Variants in ATP10A observed in about 807,000 individuals in gnomAD.
ATP10A encodes ATPase phospholipid transporting 10A (putative).
In ATP10A, 111 loss-of-function variants were observed where a neutral mutation model predicts 147.8. The ratio of observed to expected loss-of-function variants is 0.75; its 90% CI spans 0.64 to 0.88. ATP10A has a LOEUF of 0.88. Among genes scored for constraint, ATP10A ranks in the 40% least tolerant of loss-of-function variants. The pLI is 0.00. For synonymous variants in ATP10A, 875 were observed against 841.6 expected, an observed-to-expected ratio of 1.04 and a Z score of -0.69; for missense variants, 1,927 against 1,959.0, an observed-to-expected ratio of 0.98 and a Z score of 0.31.
intron 2 of ATP10A, among the ~76,000 whole-genome samples, chr15:25,763,098 G>A (rs1888846946): frequency 6.6e-6 from 1 of 152,032 alleles, no homozygotes; most frequent in Non-Finnish European, 1.5e-5. Flanking sequence ...ACTGTCATCT[G>A]ACTTATCCAA....
chr15:25,736,652 TA>T (rs1351450100), intron 2 of ATP10A, among the ~76,000 whole-genome samples: 4 of 151,468 alleles, frequency 2.6e-5, no homozygotes, highest in South Asian at 2.1e-4. Context: ...TCTGCTCAAT[TA>T]AAAAAAAACC....
intron 2 of ATP10A, among the ~76,000 whole-genome samples, chr15:25,752,186 G>A (rs562069710): frequency 1.3e-5 from 2 of 152,232 alleles, no homozygotes; most frequent in East Asian, 3.9e-4. Flanking sequence ...TTTGAAATCA[G>A]TTTGCCAAAG....
rs74472198 is a variant in ATP10A, at chr15:25,749,862, C to G, written c.655-13721G>C. ...AAAATAAACTGAAAGAGATCAACAG[C>G]TGCTTAGAACTTACAAAAGAAAAAT... is the stretch of plus-strand genomic sequence containing the variant. On this transcript the variant is annotated intron_variant, in intron 2 of 20. Transcript: ENST00000555815. Among the ~76,000 whole-genome samples the G allele has an allele frequency of 6.5e-4, 99 of 152,194 alleles. 1 individual carries two copies. In the East Asian group the frequency reaches 0.019, roughly 29 times the overall value.
chr15:25,733,846 T>A (rs1887105258), intron 3 of ATP10A, among the ~76,000 whole-genome samples: 1 of 152,218 alleles, frequency 6.6e-6, no homozygotes, highest in Non-Finnish European at 1.5e-5. Context: ...GAGCTGCTCT[T>A]CTCATGTCCC....
At chr15:25,768,008 G>C (rs935153983) in intron 2 of ATP10A, among the ~76,000 whole-genome samples, 4 of 152,212 alleles carry the variant, frequency 2.6e-5, no homozygotes, top group Admixed American at 6.5e-5. Context: ...GGCGCACCAG[G>C]GCTGGCTCCC....
At chr15:25,778,969 C>T (rs528028807) in intron 2 of ATP10A, among the ~76,000 whole-genome samples, 7 of 151,552 alleles carry the variant, frequency 4.6e-5, no homozygotes, top group African/African-American at 1.5e-4. Flanking sequence ...CTCTGCCTCC[C>T]GGGTTCAAGC....
At chr15:25,825,787 C>T (rs28887480) in intron 1 of ATP10A, among the ~76,000 whole-genome samples, 5,016 of 151,952 alleles carry the variant, frequency 0.033, 197 homozygotes, top group African/African-American at 0.096. Flanking sequence ...CCATTTTCAA[C>T]AACAAAAAAA....
intron 2 of ATP10A, among the ~76,000 whole-genome samples, chr15:25,745,128 C>A (rs1887778006): frequency 6.6e-6 from 1 of 152,012 alleles, no homozygotes; most frequent in African/African-American, 2.4e-5. Context: ...TCTTGAAAGA[C>A]CAGCCTGGCC....
chr15:25,725,338 G>C (rs1038878487), intron 5 of ATP10A, among the ~76,000 whole-genome samples: 1 of 152,222 alleles, frequency 6.6e-6, no homozygotes, highest in African/African-American at 2.4e-5. Context: ...CTGATTTAAA[G>C]TATAGAGGAG....
intron 9 of ATP10A, 103 bp downstream of exon 9, chr15:25,716,627 C>T: frequency 1.7e-6 from 2 of 1,189,698 alleles, no homozygotes; most frequent in South Asian, 3.2e-5. Flanking sequence ...GCCAAGAGCG[C>T]TTGCTGCAGG....
rs754161865 is a variant in ATP10A, at chr15:25,701,975, A to C, written c.2701T>G (p.Tyr901Asp). The change falls in exon 13 of 21, where the codon TAT (tyrosine) becomes GAT (aspartate). Residue 901 changes from tyrosine to aspartate, a missense_variant. Coordinates refer to ENST00000555815, the MANE Select transcript of ATP10A (RefSeq NM_024490.4). Reference protein sequence around the residue: ...DKQETAVNIAYACKLLDHDEE... With the variant: ...DKQETAVNIADACKLLDHDEE... ...TCGTGGTCCAGCAGTTTGCAGGCAT[A>C]TGCAATGTTGACAGCTGTTTCTTGT... The C allele has an allele frequency of 1.2e-6, 2 of 1,614,106 alleles. No individual in the cohort carries two copies. Among genetic ancestry groups the C allele is most frequent in the Admixed American group, 1.7e-5 (1 of 60,006 alleles).
intron 2 of ATP10A, among the ~76,000 whole-genome samples, chr15:25,768,531 T>G (rs1198269324): frequency 1.6e-5 from 2 of 125,514 alleles, no homozygotes; most frequent in East Asian, 5.0e-4. Context: ...TCAGCAGAGC[T>G]CTCTCTCTCT....
chr15:25,798,630 C>T (rs907731901), intron 1 of ATP10A, among the ~76,000 whole-genome samples: 1 of 152,216 alleles, frequency 6.6e-6, no homozygotes, highest in Admixed American at 6.5e-5. Flanking sequence ...AGCAAAGATT[C>T]AAGTCCACAG....
At chr15:25,832,295 C>G (rs1425807312) in intron 1 of ATP10A, among the ~76,000 whole-genome samples, 1 of 152,188 alleles carries the variant, frequency 6.6e-6, no homozygotes, top group African/African-American at 2.4e-5. Flanking sequence ...TTTAAGCCAC[C>G]TGGTGTATGG....
intron 1 of ATP10A, among the ~76,000 whole-genome samples, chr15:25,785,955 G>A (rs1490731413): frequency 5.3e-5 from 8 of 152,242 alleles, no homozygotes; most frequent in Non-Finnish European, 1.2e-4. Flanking sequence ...TCCGGTCTCC[G>A]GAGGTGTCTC....
intron 2 of ATP10A, among the ~76,000 whole-genome samples, chr15:25,745,352 CAA>C (rs1046977545): frequency 8.4e-6 from 1 of 118,530 alleles, no homozygotes; most frequent in Non-Finnish European, 1.8e-5. Flanking sequence ...GAATCCGTCT[CAA>C]AAAAAAAAAA....
chr15:25,731,726 T>C (rs930621529), intron 3 of ATP10A, among the ~76,000 whole-genome samples: 1 of 152,190 alleles, frequency 6.6e-6, no homozygotes, highest in Non-Finnish European at 1.5e-5. Context: ...GGCTTAACTA[T>C]ATGAGGATCC....
At chr15:25,697,242 T>C (rs1200483401) in intron 13 of ATP10A, among the ~76,000 whole-genome samples, 2 of 152,194 alleles carry the variant, frequency 1.3e-5, no homozygotes, top group African/African-American at 4.8e-5. Flanking sequence ...CTAGGTCTTA[T>C]AAACACATCT....
chr15:25,831,688 G>T (rs1447360869), intron 1 of ATP10A, among the ~76,000 whole-genome samples: 1 of 152,094 alleles, frequency 6.6e-6, no homozygotes, highest in African/African-American at 2.4e-5. Flanking sequence ...GGCTCCTATG[G>T]GCAACACCTC....
Sources: gnomAD v4.1 joint callset for allele counts (sites outside exome capture counted in the v4.1 genomes callset) on GRCh38, gnomAD v4.1.1 for gene constraint, MANE v1.5 for transcripts, NCBI Gene and HGNC (gene_info 2026-07-23, HGNC 2026-07-21) for gene names.